The following TRAF3IP2 variants were observed in gnomAD, a reference collection of about 807,000 sequenced individuals.
The protein encoded by TRAF3IP2 is E3 ubiquitin ligase TRAF3IP2.
In TRAF3IP2, 35 loss-of-function variants were observed where a neutral mutation model predicts 57.9. The ratio of observed to expected loss-of-function variants is 0.60; its 90% CI spans 0.46 to 0.80. The LOEUF (loss-of-function observed/expected upper bound fraction) is 0.80, where lower values mean the gene tolerates loss of function less well. Ranked by LOEUF, TRAF3IP2 falls within the 30% of genes least tolerant of loss-of-function variation. The pLI is 0.00. For synonymous variants in TRAF3IP2, 251 were observed against 268.9 expected, an observed-to-expected ratio of 0.93 and a Z score of 0.65; for missense variants, 556 against 706.4, an observed-to-expected ratio of 0.79 and a Z score of 2.41.
intron 1 of TRAF3IP2, among the ~76,000 whole-genome samples, chr6:111,605,059 A>C (rs1357705951): frequency 6.6e-6 from 1 of 150,728 alleles, no homozygotes; most frequent in East Asian, 2.0e-4. Flanking sequence ...CCTTTTAAAA[A>C]ATTTGGCCTC....
intron 8 of TRAF3IP2, among the ~76,000 whole-genome samples, chr6:111,562,328 A>G (rs1435676558): frequency 1.3e-5 from 2 of 152,308 alleles, no homozygotes; most frequent in Non-Finnish European, 2.9e-5. Flanking sequence ...AACCATACAC[A>G]TCTTGACTTT....
chr6:111,569,391 A>AG (rs1795755227), intron 5 of TRAF3IP2, among the ~76,000 whole-genome samples: 1 of 152,220 alleles, frequency 6.6e-6, no homozygotes, highest in African/African-American at 2.4e-5. Flanking sequence ...GGTGGTTGTG[A>AG]GAACTAAAAT....
chr6:111,560,239 A>G (rs1377764277), intron 8 of TRAF3IP2, among the ~76,000 whole-genome samples: 1 of 152,212 alleles, frequency 6.6e-6, no homozygotes, highest in African/African-American at 2.4e-5. Flanking sequence ...AAATGAGCAA[A>G]GACCTAAAAG....
intron 3 of TRAF3IP2, chr6:111,577,158 T>C (rs1796017077): frequency 6.6e-6 from 1 of 151,288 alleles, no homozygotes; most frequent in Non-Finnish European, 1.5e-5. Context: ...TCTTTTTTTT[T>C]TTTATTTCTC....
chr6:111,580,088 C>T lies in TRAF3IP2; in HGVS notation c.1022+109G>A, dbSNP rs1007588310. On this transcript the variant is annotated intron_variant, in intron 3 of 8. Transcript: ENST00000368761. ...TGGGCATTCCACTATGTGACTTGCT[C>T]ACTAACGTGGGTTAGCAAACCTATA... 92 of 1,293,262 alleles carry T rather than the reference C, an allele frequency of 7.1e-5. No homozygotes were observed. The Admixed American group carries it at 2.1e-3, about 29-fold the overall frequency. 80.1% of individuals were successfully genotyped at this position (1,293,262 alleles called of 1,614,324 possible). A position where few individuals can be genotyped will look rare whatever the true frequency, so the allele number is the denominator to read the frequency against.
rs1437719404 is a variant in TRAF3IP2 at position 111,605,843 on chromosome 6, C to A, written c.-76G>T. On this transcript the variant is annotated 5_prime_UTR_variant, in exon 1 of 9. Transcript: ENST00000368761. ...TCGGCTCTCGGCGGCTTCTCGTCTC[C>A]CTCCACCTTCTCCGGGCCCAGGTAA... is the stretch of plus-strand genomic sequence containing the variant. 1 of 152,144 alleles carries A rather than the reference C, an allele frequency of 6.6e-6. No individual in the cohort carries two copies. The highest frequency in any genetic ancestry group is 1.9e-4 in the East Asian group (1 of 5,190). The allele number at this position is 152,144 out of a possible 1,614,324, so 9.4% of individuals were successfully genotyped here.
At chr6:111,583,404 G>C (rs1391278727) in intron 2 of TRAF3IP2, among the ~76,000 whole-genome samples, 3 of 152,204 alleles carry the variant, frequency 2.0e-5, no homozygotes, top group Non-Finnish European at 2.9e-5. Context: ...TAAACAGTGG[G>C]TGAGTAAGTG....
intron 3 of TRAF3IP2, among the ~76,000 whole-genome samples, chr6:111,579,316 CAAAAAAAAAAAAAA>C (rs529040872): frequency 0.013 from 908 of 69,900 alleles, 8 homozygotes; most frequent in Admixed American, 0.024. Flanking sequence ...GGCTCCATCT[CAAAAAAAAAAAAAA>C]AAAAAAAAAA....
At chr6:111,603,133 A>C (rs1432429879) in intron 1 of TRAF3IP2, among the ~76,000 whole-genome samples, 2 of 151,984 alleles carry the variant, frequency 1.3e-5, no homozygotes, top group Non-Finnish European at 2.9e-5. Flanking sequence ...ACACAGCTAC[A>C]GAGTGAGCTG....
chr6:111,586,908 C>T (rs890174842), intron 2 of TRAF3IP2: 2 of 152,150 alleles, frequency 1.3e-5, no homozygotes, highest in African/African-American at 4.8e-5. Flanking sequence ...ACAATAATAA[C>T]TAAAAGCTGT....
At position 111,559,375 on chromosome 6, in the gene TRAF3IP2, C is replaced by G. The variant is rs777590131; in HGVS notation, c.*30G>C. The stretch of plus-strand genomic sequence containing the variant: ...GTCAGAACAAGGCCCCAAACATGGC[C>G]TGGCCTCAGTGATCTGGGGATGAAC... On this transcript the variant is annotated 3_prime_UTR_variant, in exon 9 of 9. Transcript: ENST00000368761. 2 of 1,607,736 alleles carry G rather than the reference C, an allele frequency of 1.2e-6. No individual in the cohort carries two copies. The highest frequency in any genetic ancestry group is 2.7e-5 in the African/African-American group (2 of 74,796).
At chr6:111,560,559 A>G (rs1795397058) in intron 8 of TRAF3IP2, among the ~76,000 whole-genome samples, 1 of 152,222 alleles carries the variant, frequency 6.6e-6, no homozygotes, top group South Asian at 2.1e-4. Flanking sequence ...GGATGCCCAA[A>G]TGAAAAGGAC....
rs529359237 is a variant in TRAF3IP2, at chr6:111,555,561, A to AATT, written c.*3841_*3843dup. 9.5e-4 allele frequency among the ~76,000 whole-genome samples: 144 copies of AATT among 152,292 alleles called. No homozygotes were observed. Among genetic ancestry groups the AATT allele is most frequent in the African/African-American group, 3.3e-3 (139 of 41,546 alleles). On this transcript the variant is annotated 3_prime_UTR_variant, in exon 9 of 9. Coordinates refer to ENST00000368761, the MANE Select transcript of TRAF3IP2 (RefSeq NM_147686.4). ...TTTGAAACCAGTCACTAAAATTTAA[A>AATT]ATTACATTTAAAATTCTAAATTAGT...
intron 1 of TRAF3IP2, among the ~76,000 whole-genome samples, chr6:111,604,242 G>A (rs112636222): frequency 6.6e-6 from 1 of 152,060 alleles, no homozygotes; most frequent in Non-Finnish European, 1.5e-5. Context: ...TTTAAGTCAC[G>A]GTCTGGAAAA....
intron 1 of TRAF3IP2, chr6:111,601,168 G>T (rs1463170076): frequency 1.0e-5 from 8 of 775,580 alleles, no homozygotes; most frequent in Non-Finnish European, 1.9e-5. Context: ...AGGAGATTCT[G>T]TAATAAATAT....
chr6:111,569,902 A>ATATG (rs1795775174), intron 5 of TRAF3IP2, among the ~76,000 whole-genome samples: 1 of 152,316 alleles, frequency 6.6e-6, no homozygotes, highest in South Asian at 2.1e-4. Context: ...CAAAGTCCAT[A>ATATG]GCTCCTGTTA....
intron 1 of TRAF3IP2, among the ~76,000 whole-genome samples, chr6:111,594,891 G>T (rs1243788518): frequency 6.6e-6 from 1 of 152,110 alleles, no homozygotes; most frequent in Non-Finnish European, 1.5e-5. Flanking sequence ...ACTCCAGCCT[G>T]AGTGACAGAG....
intron 8 of TRAF3IP2, among the ~76,000 whole-genome samples, chr6:111,560,863 C>T (rs1415201320): frequency 6.6e-6 from 1 of 152,074 alleles, no homozygotes; most frequent in African/African-American, 2.4e-5. Context: ...AAGAAAGGGA[C>T]AATGAAATAT....
At chr6:111,586,479 T>C (rs1583235324) in intron 2 of TRAF3IP2, among the ~76,000 whole-genome samples, 1 of 151,730 alleles carries the variant, frequency 6.6e-6, no homozygotes, top group Non-Finnish European at 1.5e-5. Flanking sequence ...CTCCAGGGGG[T>C]GGGGTGAGGA....
Sources: gnomAD v4.1 joint callset for allele counts (sites outside exome capture counted in the v4.1 genomes callset) on GRCh38, gnomAD v4.1.1 for gene constraint, MANE v1.5 for transcripts, NCBI Gene and HGNC (gene_info 2026-07-23, HGNC 2026-07-21) for gene names.